The following TSGA13 variants were observed in gnomAD, a reference collection of about 807,000 sequenced individuals.
TSGA13 encodes the protein testis-specific gene 13 protein.
Under a neutral mutation model 35.1 loss-of-function variants are expected in TSGA13, and 37 were observed. The ratio of observed to expected loss-of-function variants is 1.05; its 90% CI spans 0.81 to 1.39. The LOEUF is 1.39. TSGA13 is among the 40% of genes most tolerant of loss of function. TSGA13 has a pLI of 0.00. For synonymous variants in TSGA13, 124 were observed against 121.2 expected (o/e 1.02, Z -0.15); for missense variants, 338 against 328.5 (o/e 1.03, Z -0.22).
intron 6 of TSGA13, among the ~76,000 whole-genome samples, chr7:130,672,170 A>G (rs1407760792): frequency 2.0e-5 from 3 of 152,160 alleles, no homozygotes; most frequent in Non-Finnish European, 4.4e-5. Flanking sequence ...GATTACAGGC[A>G]TGAGACACCG....
intron 4 of TSGA13, among the ~76,000 whole-genome samples, chr7:130,680,378 C>T (rs1299074624): frequency 4.0e-5 from 6 of 151,872 alleles, no homozygotes; most frequent in South Asian, 2.1e-4. Flanking sequence ...TAGTGGGGGG[C>T]GCCTATATTC....
At chr7:130,672,995 CAG>C (rs1296190481) in intron 5 of TSGA13, 119 bp from the exon 6 acceptor site, 15 of 1,180,530 alleles carry the variant, frequency 1.3e-5, no homozygotes, top group Admixed American at 3.3e-5. Context: ...CAAAACCTGT[CAG>C]AGGGGGAAGT....
upstream of TSGA13, chr7:130,687,390 C>T (rs1554465890): frequency 6.6e-6 from 1 of 152,184 alleles, no homozygotes; most frequent in African/African-American, 2.4e-5. Context: ...AAATTTTAAA[C>T]ATATTTGTGC....
chr7:130,668,707 T>G lies in TSGA13; in HGVS notation c.*307A>C. The G allele has an allele frequency of 4.0e-6, 6 of 1,513,426 alleles. No individual in the cohort carries two copies. The highest frequency in any genetic ancestry group is 5.3e-6 in the Non-Finnish European group (6 of 1,131,002). The allele number at this position is 1,513,426 out of a possible 1,614,324, so 93.7% of individuals were successfully genotyped here. On this transcript the variant is annotated 3_prime_UTR_variant, in exon 8 of 8. Transcript: ENST00000356588. ...CCAGCGCCCAGACCCACCGCAACCGTCCCAGGCGCCGCAGCCGGCGAGCGG... is the reference window on the plus strand; with the variant it reads ...CCAGCGCCCAGACCCACCGCAACCGGCCCAGGCGCCGCAGCCGGCGAGCGG...
At chr7:130,679,569 G>A (rs1457188722) in intron 4 of TSGA13, among the ~76,000 whole-genome samples, 1 of 152,098 alleles carries the variant, frequency 6.6e-6, no homozygotes, top group African/African-American at 2.4e-5. Context: ...GAGCCCAGTG[G>A]CATGATCATG....
chr7:130,669,275 G>T, intron 7 of TSGA13, 92 bp from the exon 8 acceptor site: 1 of 1,506,710 alleles, frequency 6.6e-7, no homozygotes, highest in South Asian at 1.2e-5. Context: ...CGCACTTGGA[G>T]GGACCAGAGG....
chr7:130,684,401 A>G (rs2116331931), intron 2 of TSGA13, among the ~76,000 whole-genome samples: 1 of 152,258 alleles, frequency 6.6e-6, no homozygotes, highest in African/African-American at 2.4e-5. Flanking sequence ...AACATAATGT[A>G]AAATGCTCCT....
chr7:130,685,427 G>A, intron 1 of TSGA13, 67 bp from the exon 2 acceptor site: 4 of 1,297,062 alleles, frequency 3.1e-6, no homozygotes, highest in South Asian at 2.6e-5. Context: ...AAGACATGAT[G>A]ATGCTTGCTC....
intron 1 of TSGA13, 48 bp downstream of exon 1, chr7:130,686,214 G>A (rs1796655002): frequency 6.6e-6 from 1 of 152,260 alleles, no homozygotes; most frequent in Non-Finnish European, 1.5e-5. Flanking sequence ...AACCCTTAAA[G>A]TTCCCTTCTA....
At chr7:130,677,712 A>G (rs1796447108) in intron 5 of TSGA13, among the ~76,000 whole-genome samples, 1 of 152,126 alleles carries the variant, frequency 6.6e-6, no homozygotes, top group African/African-American at 2.4e-5. Flanking sequence ...GGCGTGAGCC[A>G]CTGCGCCTGG....
chr7:130,675,507 C>T lies in TSGA13; in HGVS notation c.388-2631G>A, dbSNP rs951718130. Among the ~76,000 whole-genome samples, 11 of 152,238 alleles carry T rather than the reference C, an allele frequency of 7.2e-5. No individual in the cohort carries two copies. In the South Asian group the frequency reaches 8.3e-4, roughly 11 times the overall value. On this transcript the variant is annotated intron_variant, in intron 5 of 7. Transcript: ENST00000356588. ...CAAGCAATTCTCCTGTGTTAGCCTC[C>T]GGAGTAGCTAGGACTACAGGCATGT...
intron 5 of TSGA13, among the ~76,000 whole-genome samples, chr7:130,677,145 G>A (rs1584636135): frequency 1.3e-5 from 2 of 152,142 alleles, no homozygotes; most frequent in East Asian, 1.9e-4. Flanking sequence ...ACCTGCCTTG[G>A]CCTCCCAAAG....
Position 130,680,944 on chromosome 7 carries a change from AC to A in TSGA13, c.174+1del, listed in dbSNP as rs1796531431. 1 of 1,613,434 alleles carries A rather than the reference AC, an allele frequency of 6.2e-7. No homozygotes were observed. The highest frequency in any genetic ancestry group is 8.5e-7 in the Non-Finnish European group (1 of 1,179,576). On this transcript the variant is annotated splice_donor_variant, in intron 4 of 7. Coordinates refer to ENST00000356588, the MANE Select transcript of TSGA13 (RefSeq NM_052933.4). LOFTEE classifies it high-confidence loss of function. Reference sequence around the variant, plus strand: ...TCTTGGGGGAATGCTTTCTCTACCTACCAAATTTGGATGGACTGTGTAATGC... The same window carrying A: ...TCTTGGGGGAATGCTTTCTCTACCTACAAATTTGGATGGACTGTGTAATGC...
chr7:130,673,016 A>G, intron 5 of TSGA13, 140 bp from the exon 6 acceptor site: 1 of 974,726 alleles, frequency 1.0e-6, no homozygotes, highest in African/African-American at 1.7e-5. Context: ...GTGGGAACTC[A>G]GAAACCAGAA....
At chr7:130,672,292 T>C (rs1413917537) in intron 6 of TSGA13, among the ~76,000 whole-genome samples, 3 of 152,208 alleles carry the variant, frequency 2.0e-5, no homozygotes, top group African/African-American at 7.2e-5. Flanking sequence ...TGACAAGGGA[T>C]GCTTCTGAAC....
At chr7:130,686,090 TC>T (rs1796651576) in intron 1 of TSGA13, among the ~76,000 whole-genome samples, 171 bp downstream of exon 1, 1 of 152,154 alleles carries the variant, frequency 6.6e-6, no homozygotes, top group African/African-American at 2.4e-5. Flanking sequence ...CAGCCCAAAT[TC>T]CTATGAAGCC....
chr7:130,668,922 G>A lies in TSGA13; in HGVS notation c.*92C>T. ...GCTTGCGACCCGGGAGCCCACGCCC[G>A]CAGCAGCAGGAATGTGGTTTTATTT... On this transcript the variant is annotated 3_prime_UTR_variant, in exon 8 of 8. Coordinates refer to ENST00000356588, the MANE Select transcript of TSGA13 (RefSeq NM_052933.4). 1 of 1,504,240 alleles carries A rather than the reference G, an allele frequency of 6.6e-7. No homozygotes were observed. Among genetic ancestry groups the A allele is most frequent in the South Asian group, 1.3e-5 (1 of 75,944 alleles). The allele number at this position is 1,504,240 out of a possible 1,614,324, so 93.2% of individuals were successfully genotyped here.
At position 130,669,127 on chromosome 7, in the gene TSGA13, T is replaced by A. The variant is rs201291303; in HGVS notation, c.715A>T (p.Thr239Ser). Residue 239 changes from threonine (T) to serine (S), a missense_variant, in exon 8 of 8, where the codon ACA (threonine) becomes TCA (serine). Coordinates refer to ENST00000356588, the MANE Select transcript of TSGA13 (RefSeq NM_052933.4). ...PISKVIREPLTLASLLEDMPT... is the reference protein window; with the variant it reads ...PISKVIREPLSLASLLEDMPT... ...ATGTCTTCCAAGAGCGATGCGAGTG[T>A]CAGTGGTTCCCGAATCACTTTGGAA... 2 of 1,614,098 alleles carry A rather than the reference T, an allele frequency of 1.2e-6. No homozygotes were observed. The highest frequency in any genetic ancestry group is 2.2e-5 in the South Asian group (2 of 91,088).
intron 5 of TSGA13, among the ~76,000 whole-genome samples, chr7:130,677,599 A>G (rs1796444148): frequency 6.6e-6 from 1 of 151,846 alleles, no homozygotes; most frequent in African/African-American, 2.4e-5. Flanking sequence ...TAATTTTTGT[A>G]TTTTTAGGAG....
Sources: allele counts gnomAD v4.1 joint callset (sites outside exome capture counted in the v4.1 genomes callset), GRCh38; gene constraint gnomAD v4.1.1; transcripts MANE v1.5; gene names NCBI Gene and HGNC (gene_info 2026-07-23, HGNC 2026-07-21).